Variants in CCDC150 observed in about 807,000 individuals in gnomAD.
The protein encoded by CCDC150 is coiled-coil domain containing 150.
CCDC150 carries 151 observed loss-of-function variants against 156.5 expected under a neutral mutation model. That is an observed-to-expected ratio of 0.97 (90% CI 0.85 to 1.10). CCDC150 has a LOEUF of 1.10. Ranked by LOEUF, CCDC150 falls within the 50% of genes least tolerant of loss-of-function variation. The probability of loss-of-function intolerance (pLI) is 0.00; values close to 1 mark genes in which losing one functional copy is unlikely to be tolerated. For synonymous variants in CCDC150, 452 were observed against 429.4 expected (o/e 1.05, Z -0.65); for missense variants, 1,312 against 1,268.1 (o/e 1.03, Z -0.53).
chr2:196,662,678 T>C (rs974279376), intron 5 of CCDC150, among the ~76,000 whole-genome samples: 2 of 151,890 alleles, frequency 1.3e-5, no homozygotes, highest in South Asian at 4.2e-4. Flanking sequence ...TGTAATAAGG[T>C]ATTATAACAC....
At position 196,729,360 on chromosome 2, in the gene CCDC150, T is replaced by A. The variant is rs769651476; in HGVS notation, c.2724T>A (p.Asn908Lys). ...AGCTCCACTTGTCAGCTAAGGCGAA[T>A]AATGCTCAGAATATAGAAAGGATGA... ...QIKLHLSAKANNAQNIERMKQ... is the reference protein window; with the variant it reads ...QIKLHLSAKAKNAQNIERMKQ... The change falls in exon 23 of 28, where the codon AAT becomes AAA. Residue 908 changes from asparagine to lysine, a missense_variant. Transcript: ENST00000389175. The A allele has an allele frequency of 4.5e-5, 72 of 1,613,750 alleles. 1 individual carries two copies. In the South Asian group the frequency reaches 7.2e-4, roughly 16 times the overall value.
chr2:196,646,726 A>G (rs1336914516), intron 2 of CCDC150, among the ~76,000 whole-genome samples: 1 of 152,190 alleles, frequency 6.6e-6, no homozygotes, highest in Non-Finnish European at 1.5e-5. Context: ...AAAATGTGTT[A>G]ATTAGGTATA....
chr2:196,656,726 A>G lies in CCDC150; in HGVS notation c.270A>G (p.Thr90=), dbSNP rs749313539. 5.0e-6 allele frequency: 8 copies of G among 1,613,834 alleles called. No individual in the cohort carries two copies. The highest frequency in any genetic ancestry group is 1.7e-4 in the Middle Eastern group (1 of 6,060). ...ATGAAGCAATTTGTGCAGGAAAAAC[A>G]GATATTTTATGGAAGAACTGTGAGT... ...IQNEAICAGK[T]DILWKNCEFL... The change falls in exon 3 of 28, where the codon ACA becomes ACG. Residue 90 remains threonine (T), a synonymous_variant. Transcript: ENST00000389175.
intron 6 of CCDC150, 149 bp downstream of exon 6, chr2:196,665,832 A>G (rs796494465): frequency 1.3e-4 from 67 of 504,766 alleles, no homozygotes; most frequent in African/African-American, 1.3e-3. Flanking sequence ...ATCTTACTAC[A>G]GTTTTTTTTA....
chr2:196,689,956 G>C (rs375695420), intron 13 of CCDC150, among the ~76,000 whole-genome samples: 1 of 152,086 alleles, frequency 6.6e-6, no homozygotes, highest in African/African-American at 2.4e-5. Context: ...TTAGCATGAA[G>C]GGTTGTTGAA....
At chr2:196,700,722 T>A (rs1175744745) in intron 14 of CCDC150, among the ~76,000 whole-genome samples, 1 of 152,210 alleles carries the variant, frequency 6.6e-6, no homozygotes, top group African/African-American at 2.4e-5. Flanking sequence ...CTGCTGTCAG[T>A]GGTCCTGGTC....
At chr2:196,660,063 G>A (rs759097124) in intron 5 of CCDC150, among the ~76,000 whole-genome samples, 1 of 152,114 alleles carries the variant, frequency 6.6e-6, no homozygotes, top group Non-Finnish European at 1.5e-5. Flanking sequence ...GAATCATAGA[G>A]TATGTATGTA....
chr2:196,671,808 C>T (rs1694220851), intron 8 of CCDC150, among the ~76,000 whole-genome samples: 1 of 152,220 alleles, frequency 6.6e-6, no homozygotes, highest in Admixed American at 6.5e-5. Flanking sequence ...TACTCATGGA[C>T]ATCTTGATTG....
At chr2:196,659,057 A>G (rs1693401409) in intron 5 of CCDC150, among the ~76,000 whole-genome samples, 197 bp downstream of exon 5, 4 of 152,192 alleles carry the variant, frequency 2.6e-5, no homozygotes, top group Admixed American at 2.6e-4. Flanking sequence ...TTACCTCAAT[A>G]CTGGCATAAA....
At position 196,647,852 on chromosome 2, in the gene CCDC150, T is replaced by C. The variant is rs551309387; in HGVS notation, c.176+1348T>C. ...CTTTGCAGTGGATGGCTAGAACTTA[T>C]ACCTCTTCTTAAACTGGAGCTTTGT... On this transcript the variant is annotated intron_variant, in intron 2 of 27. Transcript: ENST00000389175. Among the ~76,000 whole-genome samples, 17 of 152,306 alleles carry C rather than the reference T, an allele frequency of 1.1e-4. No individual in the cohort carries two copies. In the South Asian group the frequency reaches 1.7e-3, roughly 15 times the overall value.
At chr2:196,730,978 C>T (rs757257808) in intron 26 of CCDC150, 33 bp downstream of exon 26, 13 of 1,529,896 alleles carry the variant, frequency 8.5e-6, no homozygotes, top group African/African-American at 4.1e-5. Flanking sequence ...AAGACTTAGA[C>T]GTTTCCTTCA....
intron 15 of CCDC150, among the ~76,000 whole-genome samples, chr2:196,705,626 G>C (rs948514778): frequency 1.3e-5 from 2 of 152,064 alleles, no homozygotes; most frequent in African/African-American, 2.4e-5. Context: ...AGTCTTTGCC[G>C]AGGCCTATGT....
intron 17 of CCDC150, among the ~76,000 whole-genome samples, chr2:196,718,081 A>G (rs1323308728): frequency 2.0e-5 from 3 of 152,242 alleles, no homozygotes; most frequent in African/African-American, 7.2e-5. Context: ...ACTTCTAATT[A>G]GGATTCATTC....
chr2:196,668,910 T>C (rs1347104673), intron 7 of CCDC150, among the ~76,000 whole-genome samples: 1 of 152,246 alleles, frequency 6.6e-6, no homozygotes, highest in Non-Finnish European at 1.5e-5. Context: ...GTACAGTTTT[T>C]CTAAGGTATA....
In CCDC150 at chr2:196,712,224, A is replaced by T. The variant is rs772427286; in HGVS notation, c.1775A>T (p.Asn592Ile). 9 of 1,561,938 alleles carry T rather than the reference A, an allele frequency of 5.8e-6. 1 individual carries two copies. In the Middle Eastern group the frequency reaches 5.0e-4, roughly 87 times the overall value. The part of the protein sequence containing the change: ...SLQNDHLRKM[N>I]KYLQTKYAQA... The stretch of plus-strand genomic sequence containing the variant: ...CAGAATGATCATCTACGCAAGATGA[A>T]TAAGTATTTACAGACTAAATATGCT... Residue 592 changes from asparagine (N) to isoleucine (I), a missense_variant, in exon 16 of 28, where the codon AAT (asparagine) becomes ATT (isoleucine). Asn to Ile is a moderately radical substitution (Grantham distance 149). Coordinates refer to ENST00000389175, the MANE Select transcript of CCDC150 (RefSeq NM_001080539.2).
At chr2:196,673,039 G>A (rs1694296369) in intron 9 of CCDC150, among the ~76,000 whole-genome samples, 2 of 152,046 alleles carry the variant, frequency 1.3e-5, no homozygotes, top group South Asian at 4.2e-4. Flanking sequence ...TCAATATTAG[G>A]ATCATAGTGT....
intron 7 of CCDC150, among the ~76,000 whole-genome samples, chr2:196,669,269 AC>A (rs1294085371): frequency 2.6e-5 from 4 of 152,096 alleles, no homozygotes; most frequent in African/African-American, 9.7e-5. Context: ...TATCCCCGAA[AC>A]CTGCTCCATG....
At chr2:196,654,806 C>T (rs910173513) in intron 2 of CCDC150, among the ~76,000 whole-genome samples, 10 of 152,064 alleles carry the variant, frequency 6.6e-5, no homozygotes, top group Admixed American at 2.0e-4. Flanking sequence ...TTTAACTCGC[C>T]GTGTTGGTTT....
intron 5 of CCDC150, among the ~76,000 whole-genome samples, chr2:196,664,700 A>G (rs2125594885): frequency 6.6e-6 from 1 of 152,274 alleles, no homozygotes; most frequent in South Asian, 2.1e-4. Flanking sequence ...AGGAGGGGCT[A>G]GAAGTCCCAG....
Sources: gnomAD v4.1 joint callset for allele counts (sites outside exome capture counted in the v4.1 genomes callset) on GRCh38, gnomAD v4.1.1 for gene constraint, MANE v1.5 for transcripts, NCBI Gene and HGNC (gene_info 2026-07-23, HGNC 2026-07-21) for gene names.